The following ACIN1 variants were observed in gnomAD, a reference collection of about 807,000 sequenced individuals.
ACIN1 encodes apoptotic chromatin condensation inducer in the nucleus.
In ACIN1, 16 loss-of-function variants were observed where a neutral mutation model predicts 146.6. The observed-to-expected ratio is 0.11, with a 90% CI of 0.07 to 0.17. ACIN1 has a LOEUF of 0.17. Ranked by LOEUF, ACIN1 falls within the 10% of genes least tolerant of loss-of-function variation. ACIN1 has a pLI of 1.00. For missense variants in ACIN1, 1,357 were observed against 1,609.3 expected, an observed-to-expected ratio of 0.84 and a Z score of 2.68; for synonymous variants, 569 against 582.7, an observed-to-expected ratio of 0.98 and a Z score of 0.34.
chr14:23,075,703 T>C (rs1425381935), intron 8 of ACIN1, among the ~76,000 whole-genome samples: 1 of 148,774 alleles, frequency 6.7e-6, no homozygotes, highest in East Asian at 1.9e-4. Context: ...ATAAATGGTC[T>C]TTTCCATTTT....
chr14:23,091,626 A>ATTTT (rs149184878), intron 2 of ACIN1, among the ~76,000 whole-genome samples: 1 of 137,980 alleles, frequency 7.2e-6, no homozygotes, highest in Non-Finnish European at 1.6e-5. Flanking sequence ...TCCAGGAAAC[A>ATTTT]TTTTTTTTTT....
chr14:23,078,388 C>T, intron 7 of ACIN1, 122 bp from the exon 8 acceptor site: 3 of 661,578 alleles, frequency 4.5e-6, no homozygotes, highest in Non-Finnish European at 7.7e-6. Flanking sequence ...CACACACGGC[C>T]CTCTGTATCT....
chr14:23,060,943 C>T (rs533066623), intron 18 of ACIN1, 141 bp downstream of exon 18: 4 of 749,990 alleles, frequency 5.3e-6, no homozygotes, highest in South Asian at 5.1e-5. Context: ...TAACTGAAAA[C>T]TGCCTTTTTG....
chr14:23,065,918 T>G, intron 10 of ACIN1, 48 bp downstream of exon 10: 1 of 1,567,656 alleles, frequency 6.4e-7, no homozygotes, highest in Non-Finnish European at 8.8e-7. Flanking sequence ...TGAATGCTGG[T>G]TTTTATGGTA....
In ACIN1 at chr14:23,059,515, C is replaced by A. The variant is rs369307830; in HGVS notation, c.3526-41G>T. On this transcript the variant is annotated intron_variant, in intron 18 of 18. Coordinates refer to ENST00000605057, the MANE Select transcript of ACIN1 (RefSeq NM_001386863.1). ...AAAGGCAGAGAATAGGCAGCTCAGT[C>A]CTGGTCACAGCCTCCATTTGTGCCT... 7.7e-4 allele frequency: 1,189 copies of A among 1,534,972 alleles called. 21 individuals are homozygous for A. In the South Asian group the frequency reaches 0.013, roughly 16 times the overall value.
intron 13 of ACIN1, 150 bp from the exon 14 acceptor site, chr14:23,063,224 G>A (rs2140008993): frequency 8.9e-7 from 1 of 1,126,670 alleles, no homozygotes. Context: ...GCAAAGTACT[G>A]TGCTAGGCTA....
At chr14:23,086,543 A>G (rs55657039) in intron 4 of ACIN1, among the ~76,000 whole-genome samples, 20,409 of 152,252 alleles carry the variant, frequency 0.13, 1,510 homozygotes, top group South Asian at 0.21. Flanking sequence ...TCTTTGAGAC[A>G]TGGTTTCACT....
chr14:23,069,253 A>G (rs1261170569), intron 9 of ACIN1: 2 of 1,240,710 alleles, frequency 1.6e-6, no homozygotes, highest in Non-Finnish European at 1.0e-6. Flanking sequence ...TCTGGGCACT[A>G]CTTCCCCAAC....
In ACIN1 at chr14:23,084,803, T is replaced by C. The variant is rs183777217; in HGVS notation, c.437-2967A>G. ...ATACAGGATATATGATTAGAATATA[T>C]AGTGAAAGGCCAGACTCTTTAGCAA... On this transcript the variant is annotated intron_variant, in intron 4 of 18. Transcript: ENST00000605057. Among the ~76,000 whole-genome samples the C allele has an allele frequency of 3.3e-5, 5 of 152,226 alleles. No individual in the cohort carries two copies. The East Asian group carries it at 5.8e-4, about 18-fold the overall frequency.
chr14:23,060,251 G>A (rs1054248709), intron 18 of ACIN1, among the ~76,000 whole-genome samples: 1 of 151,862 alleles, frequency 6.6e-6, no homozygotes, highest in Non-Finnish European at 1.5e-5. Context: ...TTACAGGCAT[G>A]AGCCACCATG....
In ACIN1 at chr14:23,080,027, T is replaced by C. The variant is rs1292515186; in HGVS notation, c.1308A>G (p.Lys436=). 6.2e-7 allele frequency: 1 copy of C among 1,614,174 alleles called. No individual in the cohort carries two copies. The highest frequency in any genetic ancestry group is 1.1e-5 in the South Asian group (1 of 91,090). Residue 436 remains lysine (K), a synonymous_variant, in exon 6 of 19, where the codon AAA becomes AAG. Coordinates refer to ENST00000605057, the MANE Select transcript of ACIN1 (RefSeq NM_001386863.1). ...SDTKAESPAE[K]VPEESVLPLV... is the part of the protein sequence containing the mutation. Reference sequence around the variant, plus strand: ...GAGGCAGGACACTCTCCTCTGGCACTTTCTCTGCTGGAGATTCTGCTTTGG... The same window carrying C: ...GAGGCAGGACACTCTCCTCTGGCACCTTCTCTGCTGGAGATTCTGCTTTGG...
Position 23,068,496 on chromosome 14 carries a change from G to A in ACIN1, c.2265+980C>T. 1.0e-6 allele frequency: 1 copy of A among 985,878 alleles called. No homozygotes were observed. Among genetic ancestry groups the A allele is most frequent in the Non-Finnish European group, 1.2e-6 (1 of 829,962 alleles). The allele number at this position is 985,878 out of a possible 1,614,324, so 61.1% of individuals were successfully genotyped here. On this transcript the variant is annotated intron_variant, in intron 9 of 18. Coordinates refer to ENST00000605057, the MANE Select transcript of ACIN1 (RefSeq NM_001386863.1). This position sits in a 1 kb window ranked among gnomAD's most constrained non-coding sequence, Gnocchi z 4.3. ...TAAGCAAGACAGGGAGGCAAAAGGGGGCCCATCACAGGAGCCCATATACAT... is the reference window on the plus strand; with the variant it reads ...TAAGCAAGACAGGGAGGCAAAAGGGAGCCCATCACAGGAGCCCATATACAT...
At chr14:23,082,414 G>A (rs551182598) in intron 4 of ACIN1, among the ~76,000 whole-genome samples, 1 of 148,422 alleles carries the variant, frequency 6.7e-6, no homozygotes, top group African/African-American at 2.5e-5. Context: ...CTGTCTATTA[G>A]GTTTTATGTA....
chr14:23,065,643 T>A (rs150167676), intron 10 of ACIN1, among the ~76,000 whole-genome samples: 1 of 152,186 alleles, frequency 6.6e-6, no homozygotes, highest in African/African-American at 2.4e-5. Flanking sequence ...AAGCATCACA[T>A]AGGAGTCCCT....
chr14:23,059,521 C>A, intron 18 of ACIN1, 47 bp from the exon 19 acceptor site: 1 of 1,502,928 alleles, frequency 6.7e-7, no homozygotes, highest in South Asian at 1.1e-5. Flanking sequence ...CAGTCCTGGT[C>A]ACAGCCTCCA....
intron 16 of ACIN1, among the ~76,000 whole-genome samples, 197 bp downstream of exon 16, chr14:23,061,971 C>CAAAAAAAAAAAAAAAAAAAAAAAA (rs57962360): frequency 1.7e-5 from 1 of 59,132 alleles, no homozygotes; most frequent in African/African-American, 7.3e-5. Flanking sequence ...GACTCTGTCT[C>CAAAAAAAAAAAAAAAAAAAAAAAA]AAAAAAAAAA....
chr14:23,063,599 C>G (rs1316019594), intron 12 of ACIN1, 22 bp from the exon 13 acceptor site: 1 of 1,613,640 alleles, frequency 6.2e-7, no homozygotes, highest in South Asian at 1.1e-5. Flanking sequence ...TCAGAGAACA[C>G]AGCAGGTCTG....
chr14:23,080,358 G>A lies in ACIN1; in HGVS notation c.977C>T (p.Ser326Leu), dbSNP rs745432174. Residue 326 changes from serine (S) to leucine (L), a missense_variant, in exon 6 of 19, where the codon TCG (serine) becomes TTG (leucine). This residue lies in a region of ACIN1 where 771 missense variants were observed against 746.6 expected (regional missense o/e 1.03). Transcript: ENST00000605057. ...IKSSQGLKEK[S>L]KSPSPPRLTE... ...CAGTCGAGGAGGGGAAGGAGACTTC[G>A]ATTTTTCCTTTAAGCCTTGTGAAGA... 8.7e-6 allele frequency: 14 copies of A among 1,614,120 alleles called. No individual in the cohort carries two copies. Among genetic ancestry groups the A allele is most frequent in the East Asian group, 2.2e-5 (1 of 44,870 alleles).
chr14:23,071,429 C>A (rs1285223941), intron 8 of ACIN1: 5 of 1,551,496 alleles, frequency 3.2e-6, no homozygotes, highest in Non-Finnish European at 4.4e-6. Context: ...GTCCTCACGG[C>A]AAACCCCGAG....
Sources: allele counts gnomAD v4.1 joint callset (sites outside exome capture counted in the v4.1 genomes callset), GRCh38; gene constraint gnomAD v4.1.1; regional missense constraint gnomAD v4.1.1; non-coding constraint Gnocchi (gnomAD v3.1); transcripts MANE v1.5; gene names NCBI Gene and HGNC (gene_info 2026-07-23, HGNC 2026-07-21).